LPP: variants seen among roughly 807,000 people sequenced by gnomAD.
LPP encodes the protein LIM domain containing preferred translocation partner in lipoma, also known as lipoma-preferred partner.
In LPP, 38 loss-of-function variants were observed where a neutral mutation model predicts 60.4. That is an observed-to-expected ratio of 0.63 (90% CI 0.49 to 0.83). The LOEUF is 0.83. Ranked by LOEUF, LPP falls within the 40% of genes least tolerant of loss-of-function variation. The pLI is 0.00. For synonymous variants in LPP, 328 were observed against 290.8 expected (o/e 1.13, Z -1.30); for missense variants, 902 against 783.6 (o/e 1.15, Z -1.80).
At chr3:188,839,313 G>GGGCCGATCA (rs373243492) in intron 9 of LPP, among the ~76,000 whole-genome samples, 2 of 152,248 alleles carry the variant, frequency 1.3e-5, no homozygotes, top group African/African-American at 4.8e-5. Flanking sequence ...CTTACTGCAA[G>GGGCCGATCA]GGCCGATCAT....
chr3:188,519,193 C>T (rs55885468), intron 5 of LPP, among the ~76,000 whole-genome samples: 17,003 of 152,102 alleles, frequency 0.11, 2,518 homozygotes, highest in African/African-American at 0.34. Context: ...AAATCTGGTA[C>T]ACACTACCTT....
intron 3 of LPP, among the ~76,000 whole-genome samples, chr3:188,349,756 C>T (rs374434049): frequency 1.1e-4 from 17 of 152,260 alleles, no homozygotes; most frequent in South Asian, 6.2e-4. Flanking sequence ...AAGCAGTAGC[C>T]GAAAAGGTGG....
At chr3:188,732,119 GA>G (rs1720837158) in intron 8 of LPP, among the ~76,000 whole-genome samples, 1 of 152,132 alleles carries the variant, frequency 6.6e-6, no homozygotes, top group Non-Finnish European at 1.5e-5. Context: ...AACTTTCATG[GA>G]ATACACAAAA....
At chr3:188,196,229 A>T (rs769822853) in intron 1 of LPP, among the ~76,000 whole-genome samples, 1 of 152,140 alleles carries the variant, frequency 6.6e-6, no homozygotes, top group Non-Finnish European at 1.5e-5. Context: ...CATGACTGCT[A>T]GGTGTTTATC....
chr3:188,577,329 C>A (rs1290529049), intron 6 of LPP, among the ~76,000 whole-genome samples: 4 of 152,070 alleles, frequency 2.6e-5, no homozygotes, highest in Non-Finnish European at 4.4e-5. Context: ...TACTTCCATG[C>A]CTAATATGAT....
chr3:188,465,863 A>G (rs951924261), intron 4 of LPP, among the ~76,000 whole-genome samples: 4 of 152,078 alleles, frequency 2.6e-5, no homozygotes, highest in Non-Finnish European at 4.4e-5. Flanking sequence ...AAGTGTGTAC[A>G]CCTTAGTTTT....
At chr3:188,804,282 T>TATATATATATATAA (rs1560227180) in intron 9 of LPP, among the ~76,000 whole-genome samples, 2 of 123,142 alleles carry the variant, frequency 1.6e-5, no homozygotes, top group Admixed American at 8.3e-5. Flanking sequence ...TATATATATA[T>TATATATATATATAA]AAAATGGAAT....
intron 2 of LPP, among the ~76,000 whole-genome samples, chr3:188,282,872 A>G (rs914493171): frequency 2.0e-5 from 3 of 152,148 alleles, no homozygotes; most frequent in Non-Finnish European, 4.4e-5. Flanking sequence ...AATGGGTGGT[A>G]TCTGTTTCTG....
chr3:188,462,587 C>CGT lies in LPP; in HGVS notation c.194-22005_194-22004insGT, dbSNP rs1799336970. On this transcript the variant is annotated intron_variant, in intron 4 of 11. Coordinates refer to ENST00000617246, the MANE Select transcript of LPP (RefSeq NM_001375462.1). ...ATATATATATATATATATATATATG[C>CGT]ATGTGTGTGTGTGTGTGTGTGTGTG... 1.6e-4 allele frequency among the ~76,000 whole-genome samples: 7 copies of CGT among 43,170 alleles called. 1 individual carries two copies. The South Asian group carries it at 5.5e-3, about 34-fold the overall frequency. The allele number at this position is 43,170 out of a possible 152,430, so 28.3% of individuals were successfully genotyped here.
At chr3:188,251,672 T>C (rs1048790699) in intron 2 of LPP, among the ~76,000 whole-genome samples, 3 of 152,072 alleles carry the variant, frequency 2.0e-5, no homozygotes, top group Non-Finnish European at 4.4e-5. Flanking sequence ...TTGCTTATGG[T>C]GCTCCTCCTT....
rs368964687 is a variant in LPP at position 188,496,273 on chromosome 3, G to A, written c.306+11569G>A. Reference sequence around the variant, plus strand: ...CCTGAGTAGCTGGGATTACAGGCACGTGCCATCACACCTGGCTAATTTTTG... The same window carrying A: ...CCTGAGTAGCTGGGATTACAGGCACATGCCATCACACCTGGCTAATTTTTG... On this transcript the variant is annotated intron_variant, in intron 5 of 11. Transcript: ENST00000617246. Among the ~76,000 whole-genome samples the A allele has an allele frequency of 7.0e-4, 106 of 152,086 alleles. 4 individuals carry two copies. The South Asian group carries it at 0.021, about 30-fold the overall frequency.
intron 3 of LPP, among the ~76,000 whole-genome samples, chr3:188,350,955 G>A (rs963622504): frequency 3.9e-5 from 6 of 152,114 alleles, no homozygotes; most frequent in African/African-American, 7.2e-5. Flanking sequence ...GAACCAGCAC[G>A]TACCCCTTCT....
At chr3:188,670,278 A>G (rs1377870486) in intron 7 of LPP, among the ~76,000 whole-genome samples, 1 of 152,236 alleles carries the variant, frequency 6.6e-6, no homozygotes, top group Non-Finnish European at 1.5e-5. Flanking sequence ...TAATTAGTTA[A>G]TTAAAATTTA....
intron 6 of LPP, among the ~76,000 whole-genome samples, chr3:188,573,533 C>T (rs1056288428): frequency 4.6e-5 from 7 of 152,202 alleles, no homozygotes; most frequent in Non-Finnish European, 8.8e-5. Context: ...CCCAGCGTTT[C>T]GGTAGATACT....
chr3:188,678,363 A>T (rs956898997), intron 7 of LPP, among the ~76,000 whole-genome samples: 2 of 152,254 alleles, frequency 1.3e-5, no homozygotes, highest in Non-Finnish European at 2.9e-5. Flanking sequence ...ATTTTGTTAA[A>T]CTATTCCTAA....
At position 188,462,542 on chromosome 3, in the gene LPP, CTTTATATATATATATATATATA is replaced by C. The variant is rs1204841280; in HGVS notation, c.194-22048_194-22027del. On this transcript the variant is annotated intron_variant, in intron 4 of 11. Transcript: ENST00000617246. ...TATAAATTTAGCCAATTTATATGAGCTTTATATATATATATATATATATATATATATATATATATATATGCAT... is the reference window on the plus strand; with the variant it reads ...TATAAATTTAGCCAATTTATATGAGCTATATATATATATATATATATGCAT... 8.4e-4 allele frequency among the ~76,000 whole-genome samples: 54 copies of C among 64,284 alleles called. 3 individuals are homozygous for C. Among genetic ancestry groups the C allele is most frequent in the Admixed American group, 1.9e-3 (11 of 5,772 alleles). The allele number at this position is 64,284 out of a possible 152,430, so 42.2% of individuals were successfully genotyped here. A position where few individuals can be genotyped will look rare whatever the true frequency, so the allele number is the denominator to read the frequency against.
At position 188,872,657 on chromosome 3, in the gene LPP, G is replaced by C; in HGVS notation, c.1604G>C (p.Arg535Pro). The C allele has an allele frequency of 6.2e-7, 1 of 1,614,050 alleles. No individual in the cohort carries two copies. ...IEDFHKKFAPRCSVCKEPIMP... is the reference protein window; with the variant it reads ...IEDFHKKFAPPCSVCKEPIMP... ...TTCACTTTCAGGAAATTTGCCCCGC[G>C]ATGTTCTGTGTGCAAGGAGCCTATT... Residue 535 changes from arginine (R) to proline (P), a missense_variant, in exon 11 of 12, where the codon CGA becomes CCA. Arg to Pro is a moderately radical substitution (Grantham distance 103). Transcript: ENST00000617246.
At chr3:188,230,868 C>T (rs9834181) in intron 2 of LPP, among the ~76,000 whole-genome samples, 5,198 of 152,226 alleles carry the variant, frequency 0.034, 164 homozygotes, top group African/African-American at 0.078. Context: ...AGATCTCTCA[C>T]CACATCGCAG....
chr3:188,746,917 A>G (rs368035542), intron 8 of LPP, among the ~76,000 whole-genome samples: 2 of 152,214 alleles, frequency 1.3e-5, no homozygotes, highest in African/African-American at 4.8e-5. Context: ...AGGGCTGCCC[A>G]GAAACCACCA....
Sources: gnomAD v4.1 joint callset for allele counts (sites outside exome capture counted in the v4.1 genomes callset) on GRCh38, gnomAD v4.1.1 for gene constraint, MANE v1.5 for transcripts, NCBI Gene and HGNC (gene_info 2026-07-23, HGNC 2026-07-21) for gene names.